Variants in RNASEH2B observed in about 807,000 individuals in gnomAD.
RNASEH2B encodes the protein Aicardi-Goutieres syndrome 2 protein.
A neutral mutation model predicts 45.0 loss-of-function variants in RNASEH2B; 36 were observed. The ratio of observed to expected loss-of-function variants is 0.80; its 90% confidence interval spans 0.61 to 1.06. The LOEUF is 1.06. Among genes scored for constraint, RNASEH2B ranks in the 50% least tolerant of loss-of-function variants. The probability of loss-of-function intolerance (pLI) is 0.00; values close to 1 mark genes in which losing one functional copy is unlikely to be tolerated. For missense variants in RNASEH2B, 361 were observed against 360.3 expected, an observed-to-expected ratio of 1.00 and a Z score of -0.02; for synonymous variants, 119 against 125.7, an observed-to-expected ratio of 0.95 and a Z score of 0.35.
chr13:50,956,445 A>C lies in RNASEH2B; in HGVS notation c.910A>C (p.Lys304Gln). Residue 304 changes from lysine to glutamine, a missense_variant, in exon 11 of 11, where the codon AAA (lysine) becomes CAA (glutamine). Coordinates refer to ENST00000336617, the MANE Select transcript of RNASEH2B (RefSeq NM_024570.4). ...AAGTATTGATACCTTTTTTGGGGTA[A>C]AAAATAAAAAAAAAATTGGAAAGGT... ...MKSIDTFFGV[K>Q]NKKKIGKV is the part of the protein sequence containing the mutation. The C allele has an allele frequency of 6.3e-7, 1 of 1,597,728 alleles. No homozygotes were observed. The highest frequency in any genetic ancestry group is 2.2e-5 in the East Asian group (1 of 44,560).
chr13:50,919,882 T>A (rs964461888), intron 1 of RNASEH2B, among the ~76,000 whole-genome samples: 6 of 152,220 alleles, frequency 3.9e-5, no homozygotes, highest in African/African-American at 1.2e-4. Flanking sequence ...AAATGGCCAA[T>A]ACATATTAGC....
chr13:50,923,916 A>C (rs555665341), intron 1 of RNASEH2B, among the ~76,000 whole-genome samples: 1 of 152,354 alleles, frequency 6.6e-6, no homozygotes, highest in South Asian at 2.1e-4. Flanking sequence ...GAAAAGGAAT[A>C]TGTGCAGAAA....
downstream of RNASEH2B, among the ~76,000 whole-genome samples, chr13:50,961,188 T>C (rs1952108037): frequency 1.3e-5 from 2 of 152,138 alleles, no homozygotes; most frequent in Admixed American, 1.3e-4. Flanking sequence ...TGTTGATTAT[T>C]TTTATAATTA....
At chr13:50,930,485 C>T (rs914682580) in intron 3 of RNASEH2B, among the ~76,000 whole-genome samples, 198 bp from the exon 4 acceptor site, 1 of 152,136 alleles carries the variant, frequency 6.6e-6, no homozygotes, top group Non-Finnish European at 1.5e-5. Flanking sequence ...ATTTGAAGCT[C>T]TTTGGAGTAA....
At chr13:50,910,217 C>A (rs966630128) in intron 1 of RNASEH2B, 77 bp downstream of exon 1, 2 of 1,103,598 alleles carry the variant, frequency 1.8e-6, no homozygotes, top group Non-Finnish European at 2.4e-6. Flanking sequence ...GCGCCGCCCC[C>A]CACCCCGGTG....
At chr13:50,956,802 A>G (rs933546055), downstream of RNASEH2B, 15 of 918,960 alleles carry the variant, frequency 1.6e-5, no homozygotes, top group Middle Eastern at 5.3e-4. Context: ...CTTTGCATTC[A>G]GTAGGTTTAG....
chr13:50,953,964 T>C lies in RNASEH2B; in HGVS notation c.801T>C (p.Thr267=). Residue 267 remains threonine (T), a synonymous_variant, in exon 10 of 11, where the codon ACT becomes ACC. Transcript: ENST00000336617. ...AAGAAGATTACACTAAGTTTAATAC[T>C]AAAGATTTGAAGACTGAAAAGGTAT... The part of the protein sequence containing the change: ...EAKEDYTKFN[T]KDLKTEKKNS... The C allele has an allele frequency of 6.2e-7, 1 of 1,603,792 alleles. No individual in the cohort carries two copies. Among genetic ancestry groups the C allele is most frequent in the Non-Finnish European group, 8.5e-7 (1 of 1,170,682 alleles).
intron 9 of RNASEH2B, chr13:50,950,773 C>G (rs1951966655): frequency 6.6e-6 from 1 of 152,162 alleles, no homozygotes; most frequent in Non-Finnish European, 1.5e-5. Flanking sequence ...ACCTTGGATA[C>G]CTTTTGGAGT....
intron 9 of RNASEH2B, among the ~76,000 whole-genome samples, chr13:50,965,207 G>A (rs1317465639): frequency 6.6e-6 from 1 of 152,156 alleles, no homozygotes; most frequent in Non-Finnish European, 1.5e-5. Flanking sequence ...AGATATACAA[G>A]TACTTACTAT....
At chr13:50,942,199 A>C (rs1951841001) in intron 5 of RNASEH2B, 1 of 152,246 alleles carries the variant, frequency 6.6e-6, no homozygotes, top group African/African-American at 2.4e-5. Context: ...AATTGCACAG[A>C]CAGAAGAAAT....
intron 9 of RNASEH2B, among the ~76,000 whole-genome samples, chr13:50,966,082 G>GA (rs1952162132): frequency 6.6e-6 from 1 of 152,074 alleles, no homozygotes; most frequent in South Asian, 2.1e-4. Flanking sequence ...ATTGAAAAGT[G>GA]AAAAACAAAA....
chr13:50,970,029 G>A (rs936822433), exon 10 of RNASEH2B: 17 of 1,491,884 alleles, frequency 1.1e-5, no homozygotes, highest in African/African-American at 8.4e-5. Flanking sequence ...CAGAGGACTC[G>A]GACTTTTTCT....
At chr13:50,962,599 CTGTT>C (rs1215980567) in intron 9 of RNASEH2B, among the ~76,000 whole-genome samples, 6 of 152,080 alleles carry the variant, frequency 3.9e-5, no homozygotes, top group Non-Finnish European at 5.9e-5. Context: ...TTTGCTTTCT[CTGTT>C]AGTATAGCTA....
chr13:50,915,550 G>T, intron 1 of RNASEH2B: 1 of 398,462 alleles, frequency 2.5e-6, no homozygotes, highest in East Asian at 3.6e-5. Flanking sequence ...ATATAAATAT[G>T]TATTGAACAC....
chr13:50,946,537 T>G (rs1951902945), intron 7 of RNASEH2B, among the ~76,000 whole-genome samples: 1 of 152,156 alleles, frequency 6.6e-6, no homozygotes, highest in Admixed American at 6.5e-5. Context: ...GATAGATGAT[T>G]AATGGATAGA....
intron 9 of RNASEH2B, among the ~76,000 whole-genome samples, chr13:50,967,611 A>G (rs1259319853): frequency 6.6e-6 from 1 of 152,212 alleles, no homozygotes; most frequent in African/African-American, 2.4e-5. Flanking sequence ...TCTCACATCC[A>G]GACTCTACCA....
intron 7 of RNASEH2B, among the ~76,000 whole-genome samples, chr13:50,946,258 C>A (rs888193917): frequency 1.3e-5 from 2 of 152,116 alleles, no homozygotes; most frequent in African/African-American, 4.8e-5. Flanking sequence ...AATGGTGAGA[C>A]AGAAATTATT....
chr13:50,942,083 A>G lies in RNASEH2B; in HGVS notation c.437-1238A>G, dbSNP rs144901112. ...GGAGGGAGAAAGAGCCTCATTCTAT[A>G]TAACTCAGAGGTGGTAAATTCACAT... On this transcript the variant is annotated intron_variant, in intron 5 of 10. Coordinates refer to ENST00000336617, the MANE Select transcript of RNASEH2B (RefSeq NM_024570.4). The G allele has an allele frequency of 2.0e-5, 3 of 152,388 alleles. No homozygotes were observed. The East Asian group carries it at 5.8e-4, about 29-fold the overall frequency. The allele number at this position is 152,388 out of a possible 1,614,324, so 9.4% of individuals were successfully genotyped here. A position where few individuals can be genotyped will look rare whatever the true frequency, so the allele number is the denominator to read the frequency against.
chr13:50,914,465 C>T (rs891163279), intron 1 of RNASEH2B, among the ~76,000 whole-genome samples: 4 of 152,154 alleles, frequency 2.6e-5, no homozygotes, highest in Non-Finnish European at 5.9e-5. Flanking sequence ...TGTCATTTAC[C>T]GAATAGTCTA....
Sources: allele counts gnomAD v4.1 joint callset (sites outside exome capture counted in the v4.1 genomes callset), GRCh38; gene constraint gnomAD v4.1.1; transcripts MANE v1.5; gene names NCBI Gene and HGNC (gene_info 2026-07-23, HGNC 2026-07-21).